Variants in GALNT18 observed in about 807,000 individuals in gnomAD.
GALNT18 encodes GalNAc-transferase 18.
A neutral mutation model predicts 69.5 loss-of-function variants in GALNT18; 44 were observed. That is an observed-to-expected ratio of 0.63 (90% CI 0.50 to 0.81). The LOEUF is 0.81. GALNT18 is among the 40% of genes least tolerant of loss of function. The probability of loss-of-function intolerance (pLI) is 0.00; values close to 1 mark genes in which losing one functional copy is unlikely to be tolerated. For synonymous variants in GALNT18, 364 were observed against 318.2 expected (o/e 1.14, Z -1.53); for missense variants, 715 against 810.0 (o/e 0.88, Z 1.42).
chr11:11,428,432 G>A (rs970986012), intron 3 of GALNT18, among the ~76,000 whole-genome samples: 16 of 152,308 alleles, frequency 1.1e-4, no homozygotes, highest in Admixed American at 2.6e-4. Flanking sequence ...TCTGGCCTCC[G>A]CTCTGGCCCT....
At chr11:11,327,501 C>A (rs887439863) in intron 8 of GALNT18, among the ~76,000 whole-genome samples, 2 of 152,228 alleles carry the variant, frequency 1.3e-5, no homozygotes, top group African/African-American at 4.8e-5. Context: ...GGGACAACAG[C>A]CTTCAAGTGT....
At chr11:11,417,054 C>G (rs1250026145) in intron 3 of GALNT18, among the ~76,000 whole-genome samples, 5 of 152,324 alleles carry the variant, frequency 3.3e-5, no homozygotes, top group Non-Finnish European at 7.3e-5. Flanking sequence ...TGACTTGGAC[C>G]AGGGAACCTG....
At chr11:11,453,410 T>G (rs1855848525) in intron 1 of GALNT18, among the ~76,000 whole-genome samples, 1 of 152,198 alleles carries the variant, frequency 6.6e-6, no homozygotes, top group South Asian at 2.1e-4. Context: ...CCTGAGTGCC[T>G]CAGCTCCAGC....
At chr11:11,399,101 G>A (rs1165571069) in intron 3 of GALNT18, among the ~76,000 whole-genome samples, 1 of 152,188 alleles carries the variant, frequency 6.6e-6, no homozygotes, top group Non-Finnish European at 1.5e-5. Flanking sequence ...TTGAGAGGTA[G>A]TTAGAATTCA....
At chr11:11,321,204 C>A (rs1443297473) in intron 9 of GALNT18, among the ~76,000 whole-genome samples, 1 of 152,160 alleles carries the variant, frequency 6.6e-6, no homozygotes, top group South Asian at 2.1e-4. Context: ...AAGCCCAATC[C>A]AGCTTTATCA....
chr11:11,556,654 G>A (rs1336112300), intron 1 of GALNT18, among the ~76,000 whole-genome samples: 1 of 152,210 alleles, frequency 6.6e-6, no homozygotes, highest in African/African-American at 2.4e-5. Flanking sequence ...CCAGCTGCTG[G>A]CTAAAATTCT....
chr11:11,424,900 C>T (rs543270245), intron 3 of GALNT18, among the ~76,000 whole-genome samples: 2 of 152,222 alleles, frequency 1.3e-5, no homozygotes, highest in East Asian at 3.9e-4. Flanking sequence ...TGGCTATGGG[C>T]CACCATGCCC....
At chr11:11,281,787 G>T (rs1378428385) in intron 10 of GALNT18, among the ~76,000 whole-genome samples, 1 of 152,126 alleles carries the variant, frequency 6.6e-6, no homozygotes, top group Admixed American at 6.5e-5. Flanking sequence ...AGGGATGTGG[G>T]AAGGATGGAT....
At chr11:11,357,001 G>A (rs895199527) in intron 6 of GALNT18, among the ~76,000 whole-genome samples, 3 of 152,170 alleles carry the variant, frequency 2.0e-5, no homozygotes, top group African/African-American at 7.2e-5. Flanking sequence ...ACACGCAATA[G>A]CCACGGAGCT....
intron 1 of GALNT18, among the ~76,000 whole-genome samples, chr11:11,522,381 G>T (rs539292589): frequency 6.6e-6 from 1 of 152,290 alleles, no homozygotes; most frequent in Middle Eastern, 3.4e-3. Flanking sequence ...CGGGAATGGG[G>T]CCAGGCTTCA....
At position 11,621,875 on chromosome 11, in the gene GALNT18, C is replaced by T. The variant is rs1860203009; in HGVS notation, c.-282G>A. 1 of 331,846 alleles carries T rather than the reference C, an allele frequency of 3.0e-6. No individual in the cohort carries two copies. Among genetic ancestry groups the T allele is most frequent in the Non-Finnish European group, 5.5e-6 (1 of 181,390 alleles). 20.6% of individuals were successfully genotyped at this position (331,846 alleles called of 1,614,324 possible). A position where few individuals can be genotyped will look rare whatever the true frequency, so the allele number is the denominator to read the frequency against. On this transcript the variant is annotated 5_prime_UTR_variant, in exon 1 of 11. Coordinates refer to ENST00000227756, the MANE Select transcript of GALNT18 (RefSeq NM_198516.3). This position sits in a 1 kb window ranked among gnomAD's most constrained non-coding sequence, Gnocchi z 9.3. The stretch of plus-strand genomic sequence containing the variant: ...CCTTCCTAGAGGGGTCACGGGTAGC[C>T]GGCAGCCGCGCGTCCAGATGTGTAC...
intron 5 of GALNT18, among the ~76,000 whole-genome samples, chr11:11,375,030 C>G (rs1483002645): frequency 6.6e-6 from 1 of 152,206 alleles, no homozygotes. Context: ...AGAAATTTCT[C>G]ACGTGGATTT....
Position 11,537,217 on chromosome 11 carries a change from T to C in GALNT18, c.235+84142A>G, listed in dbSNP as rs969779026. Among the ~76,000 whole-genome samples, 4 of 113,082 alleles carry C rather than the reference T, an allele frequency of 3.5e-5. No individual in the cohort carries two copies. The Admixed American group carries it at 3.8e-4, about 11-fold the overall frequency. 74.2% of individuals were successfully genotyped at this position (113,082 alleles called of 152,430 possible). On this transcript the variant is annotated intron_variant, in intron 1 of 10. Transcript: ENST00000227756. ...TCCAGCTTGCCTAAAGTCACACAGT[T>C]AATCGGGGTGGAGCTGTGAGTCAGT...
rs867105907 is a variant in GALNT18, at chr11:11,436,019, G to A, written c.429-3232C>T. Among the ~76,000 whole-genome samples the A allele has an allele frequency of 2.6e-5, 4 of 152,370 alleles. No homozygotes were observed. Among genetic ancestry groups the A allele is most frequent in the Middle Eastern group, 3.4e-3 (1 of 294 alleles). ...CGCTGTGGCCTCTCTCTCGGCATCA[G>A]GAGACACCTTTCCTCAGCCTTCAGT... On this transcript the variant is annotated intron_variant, in intron 2 of 10. Coordinates refer to ENST00000227756, the MANE Select transcript of GALNT18 (RefSeq NM_198516.3). This position sits in a 1 kb window ranked among gnomAD's most constrained non-coding sequence, Gnocchi z 4.5.
intron 1 of GALNT18, among the ~76,000 whole-genome samples, chr11:11,458,262 C>A (rs1467814750): frequency 2.0e-5 from 3 of 152,244 alleles, no homozygotes; most frequent in Non-Finnish European, 4.4e-5. Flanking sequence ...ATGCAGCAAG[C>A]ATTGCTGAAT....
At chr11:11,452,912 G>A (rs1855836402) in intron 1 of GALNT18, among the ~76,000 whole-genome samples, 3 of 152,148 alleles carry the variant, frequency 2.0e-5, no homozygotes, top group Admixed American at 2.0e-4. Context: ...TCCCCAGGAG[G>A]GCCCATTCGA....
chr11:11,340,179 C>T lies in GALNT18; in HGVS notation c.1278+640G>A, dbSNP rs1198202930. 1.4e-5 allele frequency among the ~76,000 whole-genome samples: 2 copies of T among 148,050 alleles called. No homozygotes were observed. Among genetic ancestry groups the T allele is most frequent in the African/African-American group, 5.0e-5 (2 of 39,728 alleles). ...TGTTTCACCTTGACACATGGCAGGG[C>T]TAAACAAAACTACCAGAGAAGCATT... On this transcript the variant is annotated intron_variant, in intron 7 of 10. Transcript: ENST00000227756. This position sits in a 1 kb window ranked among gnomAD's most constrained non-coding sequence, Gnocchi z 4.2.
intron 3 of GALNT18, among the ~76,000 whole-genome samples, chr11:11,429,176 G>A (rs1855208455): frequency 6.6e-6 from 1 of 152,106 alleles, no homozygotes. Flanking sequence ...TTCTGCTCAG[G>A]TTCCTTGTCC....
In GALNT18 at chr11:11,592,902, C is replaced by T. The variant is rs1160437094; in HGVS notation, c.235+28457G>A. On this transcript the variant is annotated intron_variant, in intron 1 of 10. Coordinates refer to ENST00000227756, the MANE Select transcript of GALNT18 (RefSeq NM_198516.3). The surrounding 1 kb of genome is among the most constrained non-coding windows in gnomAD (Gnocchi z 5.9). ...CTAAGGGTCAGACCAGAACAGAGGA[C>T]GCCCATGCTTCGCGTTGTTTTTTTC... Among the ~76,000 whole-genome samples, 3 of 152,084 alleles carry T rather than the reference C, an allele frequency of 2.0e-5. No homozygotes were observed. The highest frequency in any genetic ancestry group is 2.9e-5 in the Non-Finnish European group (2 of 68,022).
Sources: allele counts gnomAD v4.1 joint callset (sites outside exome capture counted in the v4.1 genomes callset), GRCh38; gene constraint gnomAD v4.1.1; non-coding constraint Gnocchi (gnomAD v3.1); transcripts MANE v1.5; gene names NCBI Gene and HGNC (gene_info 2026-07-23, HGNC 2026-07-21).